The following PTPRG variants were observed in gnomAD, a reference collection of about 807,000 sequenced individuals.
The protein encoded by PTPRG is receptor-type tyrosine-protein phosphatase gamma.
A neutral mutation model predicts 165.3 loss-of-function variants in PTPRG; 102 were observed. That is an observed-to-expected ratio of 0.62 (90% CI 0.53 to 0.73). PTPRG has a LOEUF of 0.73. Among genes scored for constraint, PTPRG ranks in the 30% least tolerant of loss-of-function variants. The probability of loss-of-function intolerance (pLI) is 0.00; values close to 1 mark genes in which losing one functional copy is unlikely to be tolerated. For missense variants in PTPRG, 1,866 were observed against 1,861.4 expected (o/e 1.00, Z -0.05); for synonymous variants, 675 against 669.5 (o/e 1.01, Z -0.13).
intron 1 of PTPRG, among the ~76,000 whole-genome samples, chr3:61,738,323 T>C (rs2032833878): frequency 7.4e-6 from 1 of 134,718 alleles, no homozygotes; most frequent in African/African-American, 2.9e-5. Context: ...CATATATATA[T>C]ATATATATAT....
chr3:62,028,586 A>C (rs1699652232), intron 4 of PTPRG, among the ~76,000 whole-genome samples: 1 of 152,220 alleles, frequency 6.6e-6, no homozygotes, highest in Non-Finnish European at 1.5e-5. Flanking sequence ...CATGTTGGCC[A>C]TCAAGGAGGT....
chr3:61,875,658 G>GCA (rs71722008), intron 2 of PTPRG, among the ~76,000 whole-genome samples: 11 of 150,944 alleles, frequency 7.3e-5, no homozygotes, highest in Middle Eastern at 3.4e-3. Flanking sequence ...CACACACACG[G>GCA]CACACACACA....
chr3:61,740,793 T>C (rs2032947735), intron 1 of PTPRG, among the ~76,000 whole-genome samples: 1 of 152,150 alleles, frequency 6.6e-6, no homozygotes, highest in South Asian at 2.1e-4. Flanking sequence ...TCATGTAAGG[T>C]GATGAAAAAA....
At chr3:62,092,454 A>G (rs899371512) in intron 5 of PTPRG, among the ~76,000 whole-genome samples, 25 of 150,948 alleles carry the variant, frequency 1.7e-4, no homozygotes, top group South Asian at 2.1e-4. Context: ...AAAAAAAAAA[A>G]AAAAAGAAAA....
At chr3:61,751,154 T>G (rs1406260888) in intron 2 of PTPRG, 2 of 152,206 alleles carry the variant, frequency 1.3e-5, no homozygotes, top group African/African-American at 2.4e-5. Context: ...GGTGCAGTAT[T>G]GGTTCTCATG....
chr3:62,234,851 T>A (rs1465646522), intron 14 of PTPRG, among the ~76,000 whole-genome samples: 1 of 152,184 alleles, frequency 6.6e-6, no homozygotes, highest in Non-Finnish European at 1.5e-5. Context: ...TTACTCTTTT[T>A]TAAAATCACT....
intron 2 of PTPRG, among the ~76,000 whole-genome samples, chr3:61,839,657 T>G (rs2036564954): frequency 6.6e-6 from 1 of 152,186 alleles, no homozygotes; most frequent in Non-Finnish European, 1.5e-5. Context: ...TTTAATGAAG[T>G]CTATTTTAAG....
chr3:62,168,413 C>CA (rs1705082487), intron 8 of PTPRG, among the ~76,000 whole-genome samples: 1 of 152,212 alleles, frequency 6.6e-6, no homozygotes, highest in African/African-American at 2.4e-5. Flanking sequence ...CTTGTAACTT[C>CA]AAAACTTACT....
At chr3:61,823,245 C>T (rs1240816224) in intron 2 of PTPRG, among the ~76,000 whole-genome samples, 1 of 152,192 alleles carries the variant, frequency 6.6e-6, no homozygotes, top group Non-Finnish European at 1.5e-5. Flanking sequence ...GGCTAGAGTG[C>T]AGTGGCACCA....
At chr3:61,881,137 A>G (rs2037878572) in intron 2 of PTPRG, among the ~76,000 whole-genome samples, 1 of 152,084 alleles carries the variant, frequency 6.6e-6, no homozygotes, top group African/African-American at 2.4e-5. Flanking sequence ...ATCATATACA[A>G]AGAACAGTAC....
chr3:61,767,086 A>G (rs563655631), intron 2 of PTPRG, among the ~76,000 whole-genome samples: 9 of 151,694 alleles, frequency 5.9e-5, no homozygotes, highest in Middle Eastern at 6.3e-3. Flanking sequence ...TCTACTAAAA[A>G]TACAACAATT....
intron 5 of PTPRG, among the ~76,000 whole-genome samples, chr3:62,129,830 G>GA (rs1003341823): frequency 1.3e-5 from 2 of 152,208 alleles, no homozygotes; most frequent in East Asian, 3.9e-4. Context: ...CCATGGTAGA[G>GA]AAGGGATAAC....
chr3:61,889,436 A>G (rs923072545), intron 2 of PTPRG, among the ~76,000 whole-genome samples: 4 of 152,228 alleles, frequency 2.6e-5, no homozygotes, highest in African/African-American at 4.8e-5. Context: ...TTATATATCC[A>G]TGACCCTAAC....
At position 61,989,821 on chromosome 3, in the gene PTPRG, T is replaced by C. The variant is rs774346869; in HGVS notation, c.370+17T>C. On this transcript the variant is annotated intron_variant, in intron 3 of 29. Transcript: ENST00000474889. The stretch of plus-strand genomic sequence containing the variant: ...GGAAAACAGGTAGACAATGGCTTCT[T>C]TATTTGTCCACAGAGCAACAGGAAC... The C allele has an allele frequency of 1.9e-5, 31 of 1,612,758 alleles. No homozygotes were observed. In the Admixed American group the frequency reaches 5.2e-4, roughly 27 times the overall value.
intron 1 of PTPRG, among the ~76,000 whole-genome samples, chr3:61,746,937 G>A (rs1020398972): frequency 3.3e-5 from 5 of 152,164 alleles, no homozygotes; most frequent in African/African-American, 1.2e-4. Flanking sequence ...AAGATTGCAT[G>A]AGCCCAGGAG....
intron 4 of PTPRG, among the ~76,000 whole-genome samples, chr3:62,062,997 C>A (rs1476931921): frequency 1.3e-5 from 2 of 152,188 alleles, no homozygotes; most frequent in Non-Finnish European, 2.9e-5. Context: ...TAAATACTAA[C>A]CCCAAACTAG....
intron 6 of PTPRG, among the ~76,000 whole-genome samples, chr3:62,140,851 C>CAAAAA (rs58630476): frequency 1.4e-5 from 1 of 71,188 alleles, no homozygotes; most frequent in African/African-American, 5.3e-5. Flanking sequence ...GACTCGGTCT[C>CAAAAA]AAAAAAAAAA....
At chr3:62,021,857 C>CTTTTCTTT (rs1406333299) in intron 4 of PTPRG, among the ~76,000 whole-genome samples, 56 of 97,106 alleles carry the variant, frequency 5.8e-4, no homozygotes, top group African/African-American at 2.0e-3. Context: ...TTTTCCTTTT[C>CTTTTCTTT]TTTTTTTTTT....
At chr3:62,086,076 C>A (rs1365878847) in intron 5 of PTPRG, among the ~76,000 whole-genome samples, 1 of 152,072 alleles carries the variant, frequency 6.6e-6, no homozygotes, top group African/African-American at 2.4e-5. Context: ...TATGAAGTTT[C>A]GACTTGTAAA....
Sources: allele counts gnomAD v4.1 joint callset (sites outside exome capture counted in the v4.1 genomes callset), GRCh38; gene constraint gnomAD v4.1.1; transcripts MANE v1.5; gene names NCBI Gene and HGNC (gene_info 2026-07-23, HGNC 2026-07-21).